Variants in UVRAG observed in about 807,000 individuals in gnomAD.
UVRAG encodes the protein UV radiation resistance associated, also known as UV radiation resistance-associated gene protein.
In UVRAG, 19 loss-of-function variants were observed where a neutral mutation model predicts 78.0. That is an observed-to-expected ratio of 0.24 (90% CI 0.17 to 0.36). UVRAG has a LOEUF of 0.36. Ranked by LOEUF, UVRAG falls within the 10% of genes least tolerant of loss-of-function variation. UVRAG has a pLI of 1.00. For missense variants in UVRAG, 740 were observed against 853.8 expected, an observed-to-expected ratio of 0.87 and a Z score of 1.66; for synonymous variants, 323 against 324.6, an observed-to-expected ratio of 1.00 and a Z score of 0.05.
chr11:76,064,179 G>A (rs1047777306), intron 12 of UVRAG, among the ~76,000 whole-genome samples: 2 of 152,158 alleles, frequency 1.3e-5, no homozygotes, highest in Non-Finnish European at 1.5e-5. Context: ...TCTAACATAC[G>A]AAACAGTTTC....
intron 1 of UVRAG, among the ~76,000 whole-genome samples, chr11:75,848,225 G>T (rs74349334): frequency 0.026 from 3,932 of 151,250 alleles, 158 homozygotes; most frequent in African/African-American, 0.086. Context: ...TCTTTCCTTT[G>T]TCCATTCCAG....
chr11:75,874,995 A>G (rs1946734852), intron 3 of UVRAG, among the ~76,000 whole-genome samples: 2 of 152,152 alleles, frequency 1.3e-5, no homozygotes, highest in East Asian at 1.9e-4. Context: ...CCACGTTTCT[A>G]GTGATTACTC....
chr11:75,928,715 G>A (rs974410584), intron 6 of UVRAG, among the ~76,000 whole-genome samples: 3 of 151,970 alleles, frequency 2.0e-5, no homozygotes, highest in Admixed American at 6.5e-5. Context: ...CCAGGTGGGC[G>A]GATCACGAGG....
chr11:76,124,208 G>A (rs1031762504), intron 14 of UVRAG, among the ~76,000 whole-genome samples: 2 of 152,206 alleles, frequency 1.3e-5, no homozygotes, highest in African/African-American at 4.8e-5. Context: ...ATTAAGTATT[G>A]TTTTTGATTA....
intron 13 of UVRAG, among the ~76,000 whole-genome samples, chr11:76,106,774 G>A (rs951232601): frequency 1.1e-4 from 17 of 152,070 alleles, no homozygotes; most frequent in Non-Finnish European, 2.1e-4. Flanking sequence ...GGGGTAAATC[G>A]AGGTACACAG....
intron 6 of UVRAG, among the ~76,000 whole-genome samples, chr11:75,940,078 A>G (rs571976777): frequency 6.6e-6 from 1 of 152,326 alleles, no homozygotes; most frequent in African/African-American, 2.4e-5. Flanking sequence ...TAATTTCAGT[A>G]ATAAGGCTAT....
intron 6 of UVRAG, among the ~76,000 whole-genome samples, chr11:75,921,344 T>C (rs974332770): frequency 1.3e-5 from 2 of 152,204 alleles, no homozygotes; most frequent in Non-Finnish European, 2.9e-5. Flanking sequence ...ATTTAACATG[T>C]TTTCTTAAGC....
At chr11:76,084,691 A>T (rs565659891) in intron 13 of UVRAG, among the ~76,000 whole-genome samples, 1 of 152,154 alleles carries the variant, frequency 6.6e-6, no homozygotes, top group African/African-American at 2.4e-5. Context: ...TGAATATACT[A>T]TACTAGGCTC....
chr11:75,851,799 A>G (rs1946157263), intron 1 of UVRAG, 84 bp from the exon 2 acceptor site: 1 of 1,024,436 alleles, frequency 9.8e-7, no homozygotes, highest in East Asian at 2.4e-5. Context: ...AACTTATTAC[A>G]TTTCATTTTT....
At chr11:76,034,117 CTAATATTT>C (rs1056815180) in intron 12 of UVRAG, among the ~76,000 whole-genome samples, 1 of 152,072 alleles carries the variant, frequency 6.6e-6, no homozygotes, top group Non-Finnish European at 1.5e-5. Context: ...AATTATATAG[CTAATATTT>C]AATTGTTTTA....
chr11:75,864,273 C>T (rs536497713), intron 3 of UVRAG, among the ~76,000 whole-genome samples: 2 of 152,324 alleles, frequency 1.3e-5, no homozygotes, highest in East Asian at 3.9e-4. Flanking sequence ...CCAGGCTGGC[C>T]TGGAACTCCT....
intron 7 of UVRAG, among the ~76,000 whole-genome samples, chr11:75,961,934 A>T (rs1591066714): frequency 6.6e-6 from 1 of 152,314 alleles, no homozygotes; most frequent in South Asian, 2.1e-4. Context: ...TGAGCAAAAC[A>T]GGCTGGTTTG....
intron 3 of UVRAG, among the ~76,000 whole-genome samples, chr11:75,877,627 T>C (rs1946827574): frequency 8.4e-6 from 1 of 118,528 alleles, no homozygotes; most frequent in African/African-American, 3.3e-5. Flanking sequence ...CCCACCTCCC[T>C]CCCGGACGGA....
At chr11:76,129,933 G>A (rs778853559) in intron 14 of UVRAG, among the ~76,000 whole-genome samples, 2 of 145,070 alleles carry the variant, frequency 1.4e-5, no homozygotes, top group Non-Finnish European at 3.0e-5. Context: ...ACTCTCTCTC[G>A]CTCTCTCTCT....
intron 1 of UVRAG, among the ~76,000 whole-genome samples, chr11:75,845,160 A>G (rs1565342240): frequency 1.3e-5 from 2 of 152,168 alleles, no homozygotes; most frequent in African/African-American, 2.4e-5. Context: ...TTTGTATGTT[A>G]GTGAATGTTT....
chr11:75,918,640 C>G lies in UVRAG; in HGVS notation c.593+6601C>G, dbSNP rs75893346. On this transcript the variant is annotated intron_variant, in intron 6 of 14. Coordinates refer to ENST00000356136, the MANE Select transcript of UVRAG (RefSeq NM_003369.4). ...GATTTTCCCTCCACTCATCTCAACACCCCCAAACTGAGAGCACCTTTAGGC... is the reference window on the plus strand; with the variant it reads ...GATTTTCCCTCCACTCATCTCAACAGCCCCAAACTGAGAGCACCTTTAGGC... 1.1e-3 allele frequency among the ~76,000 whole-genome samples: 166 copies of G among 152,256 alleles called. 3 individuals carry two copies. In the East Asian group the frequency reaches 0.029, roughly 27 times the overall value.
intron 5 of UVRAG, among the ~76,000 whole-genome samples, chr11:75,910,406 T>G (rs867561766): frequency 6.6e-6 from 1 of 152,086 alleles, no homozygotes; most frequent in Non-Finnish European, 1.5e-5. Context: ...TGCTTAAGAT[T>G]ATATAGCTGT....
chr11:76,044,795 GA>G (rs556568669), intron 12 of UVRAG, among the ~76,000 whole-genome samples: 39 of 151,846 alleles, frequency 2.6e-4, no homozygotes, highest in African/African-American at 9.4e-4. Context: ...AAAAAAGAAA[GA>G]AAAAAAATTT....
At chr11:76,110,998 C>T (rs924743874) in intron 13 of UVRAG, among the ~76,000 whole-genome samples, 2 of 151,844 alleles carry the variant, frequency 1.3e-5, no homozygotes, top group Non-Finnish European at 2.9e-5. Context: ...AGCTGGGAGG[C>T]GCACACCACC....
Sources: allele counts gnomAD v4.1 joint callset (sites outside exome capture counted in the v4.1 genomes callset), GRCh38; gene constraint gnomAD v4.1.1; transcripts MANE v1.5; gene names NCBI Gene and HGNC (gene_info 2026-07-23, HGNC 2026-07-21).